The following CCNY variants were observed in gnomAD, a reference collection of about 807,000 sequenced individuals.
The protein encoded by CCNY is cyclin-Y.
A neutral mutation model predicts 42.8 loss-of-function variants in CCNY; 19 were observed. That is an observed-to-expected ratio of 0.44 (90% CI 0.31 to 0.65). The LOEUF (loss-of-function observed/expected upper bound fraction) is 0.65. CCNY is among the 30% of genes least tolerant of loss of function. The pLI is 0.07. For synonymous variants in CCNY, 165 were observed against 162.7 expected (o/e 1.01, Z -0.11); for missense variants, 370 against 437.3 (o/e 0.85, Z 1.37).
At chr10:35,266,239 G>A (rs546845862) in intron 3 of CCNY, among the ~76,000 whole-genome samples, 17 of 149,230 alleles carry the variant, frequency 1.1e-4, no homozygotes, top group Non-Finnish European at 2.1e-4. Flanking sequence ...TACCATGCCC[G>A]GCTAATTTCC....
chr10:35,350,716 T>C (rs1836411743), intron 1 of CCNY, among the ~76,000 whole-genome samples: 1 of 152,134 alleles, frequency 6.6e-6, no homozygotes, highest in Admixed American at 6.5e-5. Flanking sequence ...TGAGGAAAAA[T>C]AGTGATGAGA....
intron 1 of CCNY, among the ~76,000 whole-genome samples, chr10:35,438,461 A>AT (rs1423829253): frequency 6.6e-6 from 1 of 152,112 alleles, no homozygotes; most frequent in Non-Finnish European, 1.5e-5. Context: ...TGGCCTAACC[A>AT]TCTTTTTAAG....
chr10:35,282,486 G>A (rs1040326479), intron 3 of CCNY, among the ~76,000 whole-genome samples: 2 of 151,856 alleles, frequency 1.3e-5, no homozygotes. Flanking sequence ...CCAGCACTTT[G>A]GGAGGCTGAG....
intron 1 of CCNY, among the ~76,000 whole-genome samples, chr10:35,470,201 ATGGAGAGACAGGGAGT>A (rs1308405178): frequency 2.6e-5 from 4 of 151,176 alleles, no homozygotes; most frequent in Non-Finnish European, 4.4e-5. Context: ...AGATAGGGCA[ATGGAGAGACAGGGAGT>A]TGGAGAGACA....
intron 3 of CCNY, among the ~76,000 whole-genome samples, chr10:35,312,374 CTG>C (rs925366477): frequency 9.8e-6 from 1 of 102,146 alleles, no homozygotes; most frequent in African/African-American, 4.2e-5. Flanking sequence ...GAGTGAGACT[CTG>C]TGTCACAAAA....
intron 5 of CCNY, among the ~76,000 whole-genome samples, chr10:35,529,152 A>G (rs1840712060): frequency 6.6e-6 from 1 of 152,188 alleles, no homozygotes. Flanking sequence ...CTAACTGTTC[A>G]CATATAGGTT....
rs1439848376 is a variant in CCNY at position 35,571,646 on chromosome 10, AATAGTT to A, written c.*2479_*2484del. ...TCTTTTCTTTTTCTACATGATGATG[AATAGTT>A]ATGTTTTCTTCTCTGATTTGTTCAA... is the stretch of plus-strand genomic sequence containing the variant. On this transcript the variant is annotated 3_prime_UTR_variant, in exon 10 of 10. Transcript: ENST00000374704. 1 of 152,346 alleles carries A rather than the reference AATAGTT, an allele frequency of 6.6e-6. No homozygotes were observed. The highest frequency in any genetic ancestry group is 2.4e-5 in the African/African-American group (1 of 41,456). The allele number at this position is 152,346 out of a possible 1,614,324, so 9.4% of individuals were successfully genotyped here. A position where few individuals can be genotyped will look rare whatever the true frequency, so the allele number is the denominator to read the frequency against.
At chr10:35,369,791 A>C (rs765652314) in intron 1 of CCNY, among the ~76,000 whole-genome samples, 1 of 152,244 alleles carries the variant, frequency 6.6e-6, no homozygotes, top group Non-Finnish European at 1.5e-5. Context: ...ATTGGACCTC[A>C]TAAATTTTAA....
intron 4 of CCNY, among the ~76,000 whole-genome samples, chr10:35,522,215 A>G (rs1191657625): frequency 1.3e-5 from 2 of 152,200 alleles, no homozygotes; most frequent in Non-Finnish European, 2.9e-5. Context: ...GGTGCCATTC[A>G]TTGGTTCCCT....
chr10:35,330,265 G>C (rs1835926840), intron 3 of CCNY, among the ~76,000 whole-genome samples: 1 of 152,208 alleles, frequency 6.6e-6, no homozygotes, highest in Non-Finnish European at 1.5e-5. Context: ...CTGAAGAAGT[G>C]CTGTATTAAA....
intron 1 of CCNY, among the ~76,000 whole-genome samples, chr10:35,348,886 G>GA (rs1836366368): frequency 1.4e-5 from 2 of 144,232 alleles, no homozygotes; most frequent in Non-Finnish European, 3.1e-5. Context: ...TCTAAGTTGG[G>GA]TTTTTTTTTT....
At chr10:35,300,921 C>T (rs1835525679) in intron 3 of CCNY, among the ~76,000 whole-genome samples, 1 of 152,160 alleles carries the variant, frequency 6.6e-6, no homozygotes, top group Non-Finnish European at 1.5e-5. Context: ...TCTCCTGCCT[C>T]AGCCTCCCAA....
chr10:35,482,755 T>G (rs1347134951), intron 1 of CCNY, among the ~76,000 whole-genome samples: 1 of 55,580 alleles, frequency 1.8e-5, no homozygotes, highest in Non-Finnish European at 3.3e-5. Context: ...AATAGGTGTG[T>G]GTGTGTGTGT....
chr10:35,499,612 T>G (rs1186134839), intron 2 of CCNY, among the ~76,000 whole-genome samples: 1 of 152,242 alleles, frequency 6.6e-6, no homozygotes, highest in Middle Eastern at 3.2e-3. Flanking sequence ...CTGGTATTTT[T>G]TGAGGCATGG....
At chr10:35,564,517 A>G (rs1271757671) in intron 8 of CCNY, among the ~76,000 whole-genome samples, 1 of 152,120 alleles carries the variant, frequency 6.6e-6, no homozygotes, top group African/African-American at 2.4e-5. Flanking sequence ...GGGAACAGCC[A>G]TAGGGGTCTC....
At chr10:35,344,302 A>G (rs1230758157) in intron 1 of CCNY, among the ~76,000 whole-genome samples, 1 of 152,032 alleles carries the variant, frequency 6.6e-6, no homozygotes, top group Non-Finnish European at 1.5e-5. Context: ...TAATGGGAAG[A>G]CCCGCATTCC....
rs1244582033 is a variant in CCNY at position 35,429,060 on chromosome 10, T to C, written c.155-54344T>C. 2.0e-5 allele frequency among the ~76,000 whole-genome samples: 3 copies of C among 152,246 alleles called. No homozygotes were observed. In the East Asian group the frequency reaches 5.8e-4, roughly 29 times the overall value. On this transcript the variant is annotated intron_variant, in intron 1 of 9. Coordinates refer to ENST00000374704, the MANE Select transcript of CCNY (RefSeq NM_145012.6). ...AAAAATTCGTTTTGCTCAAAAATAA[T>C]GTGTTTCTAGTCACCTTCTACCAGA...
chr10:35,279,755 G>A (rs1435815724), intron 3 of CCNY, among the ~76,000 whole-genome samples: 1 of 152,180 alleles, frequency 6.6e-6, no homozygotes, highest in East Asian at 1.9e-4. Context: ...TGCACTGACT[G>A]TGCATCAAGT....
At chr10:35,381,694 C>T (rs1049567142) in intron 1 of CCNY, among the ~76,000 whole-genome samples, 2 of 152,056 alleles carry the variant, frequency 1.3e-5, no homozygotes, top group Non-Finnish European at 2.9e-5. Flanking sequence ...CTTCTTAAGA[C>T]TTTAGAATTG....
Sources: allele counts gnomAD v4.1 joint callset (sites outside exome capture counted in the v4.1 genomes callset), GRCh38; gene constraint gnomAD v4.1.1; transcripts MANE v1.5; gene names NCBI Gene and HGNC (gene_info 2026-07-23, HGNC 2026-07-21).